The following HEPACAM variants were observed in gnomAD, a reference collection of about 807,000 sequenced individuals.
HEPACAM encodes hepatic and glial cell adhesion molecule.
HEPACAM carries 18 observed loss-of-function variants against 38.3 expected under a neutral mutation model. That is an observed-to-expected ratio of 0.47 (90% CI 0.33 to 0.70). The LOEUF (loss-of-function observed/expected upper bound fraction) is 0.70, where lower values mean the gene tolerates loss of function less well. Ranked by LOEUF, HEPACAM falls within the 30% of genes least tolerant of loss-of-function variation. The pLI, the probability that HEPACAM is intolerant of heterozygous loss-of-function variation, is 0.03. For missense variants in HEPACAM, 466 were observed against 563.0 expected (o/e 0.83, Z 1.74); for synonymous variants, 216 against 243.1 (o/e 0.89, Z 1.04).
rs181833876 is a variant in HEPACAM, at chr11:124,931,561, A to C, written c.85+4361T>G. Among the ~76,000 whole-genome samples, 15 of 152,380 alleles carry C rather than the reference A, an allele frequency of 9.8e-5. 1 individual carries two copies. The highest frequency in any genetic ancestry group is 9.8e-4 in the Admixed American group (15 of 15,304). The stretch of plus-strand genomic sequence containing the variant: ...CAATAGGATGGCCAAAAGGAAAAAA[A>C]GAAAATACAATTATTGGGAAGATAT... On this transcript the variant is annotated intron_variant, in intron 1 of 6. Transcript: ENST00000298251.
rs756504011 is a variant in HEPACAM at position 124,922,451 on chromosome 11, G to A, written c.885C>T (p.Thr295=). 7 of 1,614,126 alleles carry A rather than the reference G, an allele frequency of 4.3e-6. No individual in the cohort carries two copies. In the Admixed American group the frequency reaches 1.0e-4, roughly 23 times the overall value. The change falls in exon 6 of 7, where the codon ACC becomes ACT. Residue 295 remains threonine, a synonymous_variant. Transcript: ENST00000298251. The part of the protein sequence containing the change: ...NDDRLKPEAD[T]LPRSGEQERK... ...GTTCCTGCTCACCACTTCGAGGGAG[G>A]GTGTCTGCTGCACAGGGGAGAGAAG...
At chr11:124,923,493 C>A (rs1947166642) in intron 3 of HEPACAM, 60 bp from the exon 4 acceptor site, 2 of 1,280,338 alleles carry the variant, frequency 1.6e-6, no homozygotes, top group Non-Finnish European at 2.3e-6. Context: ...ATGTGGTGAG[C>A]AGAACTTCCT....
chr11:124,927,525 T>A (rs977055966), intron 1 of HEPACAM, among the ~76,000 whole-genome samples: 57 of 144,626 alleles, frequency 3.9e-4, no homozygotes, highest in South Asian at 1.3e-3. Context: ...TTTTTTTTGT[T>A]TTTTTTTTTT....
rs373992036 is a variant in HEPACAM, at chr11:124,923,866, G to A, written c.572C>T (p.Ser191Leu). ...TTGGTCGGGGGACAGGAGCATTCTC[G>A]AGTCATTGAGGAGGGGCTTGCCATC... is the stretch of plus-strand genomic sequence containing the variant. The part of the protein sequence containing the change: ...LKDGKPLLND[S>L]RMLLSPDQKV... Residue 191 changes from serine to leucine, a missense_variant, in exon 3 of 7, where the codon TCG becomes TTG. Transcript: ENST00000298251. 5.6e-6 allele frequency: 9 copies of A among 1,614,050 alleles called. No homozygotes were observed. The African/African-American group carries it at 8.0e-5, about 14-fold the overall frequency.
intron 5 of HEPACAM, 92 bp downstream of exon 5, chr11:124,922,653 G>A: frequency 6.2e-7 from 1 of 1,614,012 alleles, no homozygotes; most frequent in Non-Finnish European, 8.5e-7. Context: ...TCCCTGCAGA[G>A]CTGTTTTCCT....
chr11:124,927,195 A>G (rs1170076317), intron 1 of HEPACAM, among the ~76,000 whole-genome samples: 1 of 151,942 alleles, frequency 6.6e-6, no homozygotes, highest in South Asian at 2.1e-4. Flanking sequence ...CATTTTTGGA[A>G]AAAGTGCTTT....
rs768046807 is a variant in HEPACAM, at chr11:124,921,192, G to A, written c.1197C>T (p.Gly399=). 2 of 1,519,950 alleles carry A rather than the reference G, an allele frequency of 1.3e-6. No individual in the cohort carries two copies. The highest frequency in any genetic ancestry group is 1.8e-6 in the Non-Finnish European group (2 of 1,140,970). 94.2% of individuals were successfully genotyped at this position (1,519,950 alleles called of 1,614,324 possible). The part of the protein sequence containing the change: ...RSASRTLRTA[G]VHIIREQDEA... ...CGTCTTGCTCGCGGATTATGTGCAC[G>A]CCCGCAGTCCGCAGTGTGCGCGAGG... The change falls in exon 7 of 7, where the codon GGC becomes GGT. Residue 399 remains glycine (G), a synonymous_variant. Transcript: ENST00000298251. This position sits in a 1 kb window ranked among gnomAD's most constrained non-coding sequence, Gnocchi z 4.6.
chr11:124,921,203 G>A lies in HEPACAM; in HGVS notation c.1186C>T (p.Arg396Trp), dbSNP rs1947130851. The A allele has an allele frequency of 6.6e-7, 1 of 1,511,082 alleles. No homozygotes were observed. 93.6% of individuals were successfully genotyped at this position (1,511,082 alleles called of 1,614,324 possible). ...GRSRSASRTL[R>W]TAGVHIIREQ... ...CGGATTATGTGCACGCCCGCAGTCC[G>A]CAGTGTGCGCGAGGCGCTGCGCGAG... The change falls in exon 7 of 7, where the codon CGG becomes TGG. Residue 396 changes from arginine (R) to tryptophan (W), a missense_variant. By Grantham distance (101) the Arg-to-Trp change is moderately radical. Transcript: ENST00000298251. The surrounding 1 kb of genome is among the most constrained non-coding windows in gnomAD (Gnocchi z 4.6).
At chr11:124,927,611 C>T (rs559412727) in intron 1 of HEPACAM, among the ~76,000 whole-genome samples, 1 of 148,560 alleles carries the variant, frequency 6.7e-6, no homozygotes, top group Non-Finnish European at 1.5e-5. Context: ...TCAAGCAATC[C>T]ACCCGTGTTG....
chr11:124,922,705 A>C (rs757601832), intron 5 of HEPACAM, 40 bp downstream of exon 5: 4 of 1,613,880 alleles, frequency 2.5e-6, no homozygotes, highest in Non-Finnish European at 3.4e-6. Flanking sequence ...CACTGATCTG[A>C]TTGTTGATGG....
Position 124,920,303 on chromosome 11 carries a change from T to C in HEPACAM, c.*835A>G, listed in dbSNP as rs1947109610. On this transcript the variant is annotated 3_prime_UTR_variant, in exon 7 of 7. Coordinates refer to ENST00000298251, the MANE Select transcript of HEPACAM (RefSeq NM_152722.5). ...TAAAACAGTTCCTCATTTGGTCTAG[T>C]TTTCGGGCCAGGGGAGTAAGTGAAA... The C allele has an allele frequency of 3.9e-6, 5 of 1,271,376 alleles. No individual in the cohort carries two copies. The East Asian group carries it at 1.3e-4, about 33-fold the overall frequency. 78.8% of individuals were successfully genotyped at this position (1,271,376 alleles called of 1,614,324 possible).
At chr11:124,933,764 G>T (rs1344322246) in intron 1 of HEPACAM, among the ~76,000 whole-genome samples, 1 of 152,022 alleles carries the variant, frequency 6.6e-6, no homozygotes, top group Non-Finnish European at 1.5e-5. Context: ...GGGCTCTTTT[G>T]GGTCTTTGTC....
rs779531720 is a variant in HEPACAM at position 124,922,713 on chromosome 11, T to C, written c.877+32A>G. On this transcript the variant is annotated intron_variant, in intron 5 of 6. Coordinates refer to ENST00000298251, the MANE Select transcript of HEPACAM (RefSeq NM_152722.5). ...AGCAGCCCACTGATCTGATTGTTGA[T>C]GGGATGGGTGATTGGGTGGCTGGGA... 20 of 1,614,056 alleles carry C rather than the reference T, an allele frequency of 1.2e-5. No homozygotes were observed. The Admixed American group carries it at 1.8e-4, about 15-fold the overall frequency.
Position 124,934,795 on chromosome 11 carries a change from G to T in HEPACAM, c.85+1127C>A, listed in dbSNP as rs61910646. Among the ~76,000 whole-genome samples the T allele has an allele frequency of 2.0e-5, 3 of 151,780 alleles. No individual in the cohort carries two copies. The East Asian group carries it at 5.8e-4, about 29-fold the overall frequency. ...TTTTATTTGCCTCCAGTTTCCCCTCGAATGACCCCCTGCAGACTGAGTAAG... is the reference window on the plus strand; with the variant it reads ...TTTTATTTGCCTCCAGTTTCCCCTCTAATGACCCCCTGCAGACTGAGTAAG... On this transcript the variant is annotated intron_variant, in intron 1 of 6. Transcript: ENST00000298251.
Position 124,921,518 on chromosome 11 carries a change from A to G in HEPACAM, c.949-78T>C. On this transcript the variant is annotated intron_variant, in intron 6 of 6. Coordinates refer to ENST00000298251, the MANE Select transcript of HEPACAM (RefSeq NM_152722.5). The surrounding 1 kb of genome is among the most constrained non-coding windows in gnomAD (Gnocchi z 4.6). ...CGCGCCTGGTGTTAGAGCTTGCTGG[A>G]ATTCCGAGGGGAGGGACCTAGTTTC... is the stretch of plus-strand genomic sequence containing the variant. 2.1e-6 allele frequency: 2 copies of G among 949,800 alleles called. No individual in the cohort carries two copies. Among genetic ancestry groups the G allele is most frequent in the Non-Finnish European group, 2.7e-6 (2 of 730,312 alleles). The allele number at this position is 949,800 out of a possible 1,614,324, so 58.8% of individuals were successfully genotyped here. A position where few individuals can be genotyped will look rare whatever the true frequency, so the allele number is the denominator to read the frequency against.
In HEPACAM at chr11:124,919,879, C is replaced by A. The variant is rs761240901; in HGVS notation, c.*1259G>T. 1 of 1,614,146 alleles carries A rather than the reference C, an allele frequency of 6.2e-7. No individual in the cohort carries two copies. Among genetic ancestry groups the A allele is most frequent in the South Asian group, 1.1e-5 (1 of 91,074 alleles). On this transcript the variant is annotated 3_prime_UTR_variant, in exon 7 of 7. Coordinates refer to ENST00000298251, the MANE Select transcript of HEPACAM (RefSeq NM_152722.5). ...GGGAATGGAATACACAGAGGGCCTCCTTCTCTTTCAGCTTTTTAATTGCCC... is the reference window on the plus strand; with the variant it reads ...GGGAATGGAATACACAGAGGGCCTCATTCTCTTTCAGCTTTTTAATTGCCC...
Position 124,920,175 on chromosome 11 carries a change from A to C in HEPACAM, c.*963T>G. 1 of 936,116 alleles carries C rather than the reference A, an allele frequency of 1.1e-6. No homozygotes were observed. Among genetic ancestry groups the C allele is most frequent in the Non-Finnish European group, 1.6e-6 (1 of 622,814 alleles). 58.0% of individuals were successfully genotyped at this position (936,116 alleles called of 1,614,324 possible). ...ACCATTTCTCTGGAGATTAGGACTT[A>C]TTCTCACAGCTGGAGGAAGCTCAAC... is the stretch of plus-strand genomic sequence containing the variant. On this transcript the variant is annotated 3_prime_UTR_variant, in exon 7 of 7. Transcript: ENST00000298251.
intron 1 of HEPACAM, among the ~76,000 whole-genome samples, chr11:124,931,202 C>T (rs1243437911): frequency 6.6e-6 from 1 of 152,080 alleles, no homozygotes; most frequent in Admixed American, 6.5e-5. Context: ...AATGGAAATA[C>T]AATTTTAAAC....
At chr11:124,932,702 T>C (rs531278233) in intron 1 of HEPACAM, among the ~76,000 whole-genome samples, 15 of 152,190 alleles carry the variant, frequency 9.9e-5, no homozygotes, top group African/African-American at 3.6e-4. Flanking sequence ...AGTATGGCCA[T>C]GTGACTGAGT....
Sources: gnomAD v4.1 joint callset for allele counts (sites outside exome capture counted in the v4.1 genomes callset) on GRCh38, gnomAD v4.1.1 for gene constraint, Gnocchi (gnomAD v3.1) non-coding constraint, MANE v1.5 for transcripts, NCBI Gene and HGNC (gene_info 2026-07-23, HGNC 2026-07-21) for gene names.